The following KCTD9 variants were observed in gnomAD, a reference collection of about 807,000 sequenced individuals.
The protein encoded by KCTD9 is potassium channel tetramerization domain containing 9.
A neutral mutation model predicts 53.3 loss-of-function variants in KCTD9; 17 were observed. That is an observed-to-expected ratio of 0.32 (90% CI 0.22 to 0.48). The LOEUF (loss-of-function observed/expected upper bound fraction) is 0.48. Among genes scored for constraint, KCTD9 ranks in the 20% least tolerant of loss-of-function variants. The pLI is 0.99. For missense variants in KCTD9, 179 were observed against 465.5 expected, an observed-to-expected ratio of 0.38 and a Z score of 5.66; for synonymous variants, 128 against 162.7, an observed-to-expected ratio of 0.79 and a Z score of 1.62.
Position 25,430,676 on chromosome 8 carries a change from C to T in KCTD9, c.1054-703G>A, listed in dbSNP as rs111432781. ...AATAAAGTGCACAATAAATGTAACG[C>T]GCTTGAATCATCCCAAAACCAGCCC... On this transcript the variant is annotated intron_variant, in intron 11 of 11. Transcript: ENST00000221200. 7.2e-4 allele frequency among the ~76,000 whole-genome samples: 109 copies of T among 152,106 alleles called. 1 individual carries two copies. In the South Asian group the frequency reaches 8.7e-3, roughly 12 times the overall value.
At chr8:25,456,672 C>T (rs1189735734) in intron 1 of KCTD9, among the ~76,000 whole-genome samples, 1 of 151,784 alleles carries the variant, frequency 6.6e-6, no homozygotes, top group Non-Finnish European at 1.5e-5. Context: ...ATCCAAGAAT[C>T]TAATCTAGTC....
At chr8:25,453,407 G>A (rs1336564890) in intron 1 of KCTD9, among the ~76,000 whole-genome samples, 1 of 151,526 alleles carries the variant, frequency 6.6e-6, no homozygotes, top group Non-Finnish European at 1.5e-5. Flanking sequence ...TGTAATTCCA[G>A]CACTTTGGGA....
In KCTD9 at chr8:25,432,697, A is replaced by G. The variant is rs892293458; in HGVS notation, c.920-60T>C. ...AAAAATATAGTTATCTACCTTCAAC[A>G]GAACTGCAAGATGACTTAATGGAGG... On this transcript the variant is annotated intron_variant, in intron 10 of 11. Coordinates refer to ENST00000221200, the MANE Select transcript of KCTD9 (RefSeq NM_017634.4). 20 of 1,461,772 alleles carry G rather than the reference A, an allele frequency of 1.4e-5. No homozygotes were observed. In the Middle Eastern group the frequency reaches 5.3e-4, roughly 39 times the overall value. 90.6% of individuals were successfully genotyped at this position (1,461,772 alleles called of 1,614,324 possible).
chr8:25,446,291 CAT>C, intron 1 of KCTD9, 41 bp from the exon 2 acceptor site: 1 of 1,603,670 alleles, frequency 6.2e-7, no homozygotes, highest in Non-Finnish European at 8.5e-7. Flanking sequence ...TTCTTTAATA[CAT>C]GTTATCCCCC....
chr8:25,451,736 C>T (rs986688767), intron 1 of KCTD9, among the ~76,000 whole-genome samples: 2 of 152,170 alleles, frequency 1.3e-5, no homozygotes, highest in Non-Finnish European at 2.9e-5. Context: ...TACCTTTAAA[C>T]ACCATTTTCA....
intron 1 of KCTD9, among the ~76,000 whole-genome samples, chr8:25,449,158 T>C (rs1212603697): frequency 1.3e-5 from 2 of 152,152 alleles, no homozygotes; most frequent in African/African-American, 2.4e-5. Flanking sequence ...GAGCAAGAGA[T>C]TGACCAAAGC....
At position 25,441,828 on chromosome 8, in the gene KCTD9, C is replaced by T. The variant is rs191467295; in HGVS notation, c.215-1155G>A. The stretch of plus-strand genomic sequence containing the variant: ...GCAACAGGGCAAAACCCCAAAACCC[C>T]ATCTCTACAAAAAATACAAAAAAAT... On this transcript the variant is annotated intron_variant, in intron 3 of 11. Transcript: ENST00000221200. Among the ~76,000 whole-genome samples the T allele has an allele frequency of 1.7e-3, 254 of 152,086 alleles. 1 individual carries two copies. Among genetic ancestry groups the T allele is most frequent in the South Asian group, 3.7e-3 (18 of 4,812 alleles).
rs1586419158 is a variant in KCTD9 at position 25,429,654 on chromosome 8, G to A, written c.*203C>T. 2.1e-6 allele frequency: 1 copy of A among 480,346 alleles called. No individual in the cohort carries two copies. The highest frequency in any genetic ancestry group is 4.0e-5 in the East Asian group (1 of 25,078). 29.8% of individuals were successfully genotyped at this position (480,346 alleles called of 1,614,324 possible). On this transcript the variant is annotated 3_prime_UTR_variant, in exon 12 of 12. Coordinates refer to ENST00000221200, the MANE Select transcript of KCTD9 (RefSeq NM_017634.4). ...GTTTCCCTACATCTATTAAATGAGT[G>A]CTTTTCTGTTAAAAATCAGAATATG... is the stretch of plus-strand genomic sequence containing the variant.
chr8:25,453,504 A>C (rs1446274322), intron 1 of KCTD9, among the ~76,000 whole-genome samples: 1 of 150,642 alleles, frequency 6.6e-6, no homozygotes, highest in Non-Finnish European at 1.5e-5. Flanking sequence ...AAACACAAAA[A>C]TAGCCAGGTA....
rs1416594179 is a variant in KCTD9 at position 25,428,978 on chromosome 8, T to A, written c.*879A>T. On this transcript the variant is annotated 3_prime_UTR_variant, in exon 12 of 12. Transcript: ENST00000221200. The stretch of plus-strand genomic sequence containing the variant: ...AATGAATATTAATGATGCACCTTGG[T>A]TTTTTTGGTTTTGAAGTATCTTCCT... 6.6e-6 allele frequency: 1 copy of A among 152,182 alleles called. No homozygotes were observed. The highest frequency in any genetic ancestry group is 1.5e-5 in the Non-Finnish European group (1 of 68,022). The allele number at this position is 152,182 out of a possible 1,614,324, so 9.4% of individuals were successfully genotyped here.
At chr8:25,445,765 A>C (rs1276551450) in intron 2 of KCTD9, among the ~76,000 whole-genome samples, 1 of 152,018 alleles carries the variant, frequency 6.6e-6, no homozygotes, top group African/African-American at 2.4e-5. Context: ...TATAAAATGC[A>C]AAGCATTCTT....
chr8:25,431,356 T>C (rs1024688659), intron 11 of KCTD9, among the ~76,000 whole-genome samples: 1 of 152,176 alleles, frequency 6.6e-6, no homozygotes, highest in Non-Finnish European at 1.5e-5. Context: ...GTTTGACAGA[T>C]GTACAGAACA....
Position 25,440,621 on chromosome 8 carries a change from G to T in KCTD9, c.267C>A (p.Asp89Glu). ...PPEGLLGFHT[D>E]WLTLNVGGRY... Reference sequence around the variant, plus strand: ...GCCCTCCAACATTTAATGTCAGCCAGTCTGTGTGGAATCCTAACAATCCCT... The same window carrying T: ...GCCCTCCAACATTTAATGTCAGCCATTCTGTGTGGAATCCTAACAATCCCT... The change falls in exon 4 of 12, where the codon GAC (aspartate) becomes GAA (glutamate). Residue 89 changes from aspartate to glutamate, a missense_variant. Asp to Glu is a conservative substitution (Grantham distance 45, BLOSUM62 2). Coordinates refer to ENST00000221200, the MANE Select transcript of KCTD9 (RefSeq NM_017634.4). 1 of 1,612,940 alleles carries T rather than the reference G, an allele frequency of 6.2e-7. No homozygotes were observed. Among genetic ancestry groups the T allele is most frequent in the African/African-American group, 1.3e-5 (1 of 75,012 alleles).
intron 3 of KCTD9, 120 bp downstream of exon 3, chr8:25,444,172 T>A (rs959677214): frequency 2.4e-6 from 2 of 846,554 alleles, no homozygotes; most frequent in Admixed American, 2.8e-5. Context: ...GTGTGAAGAT[T>A]TGAATACAGC....
At chr8:25,440,462 T>C (rs1802101527) in intron 4 of KCTD9, 115 bp downstream of exon 4, 2 of 738,772 alleles carry the variant, frequency 2.7e-6, no homozygotes, top group Non-Finnish European at 4.8e-6. Flanking sequence ...TCAGATCACA[T>C]AGTATATTTA....
chr8:25,435,519 TA>T lies in KCTD9; in HGVS notation c.664-8del, dbSNP rs755957874. 1 of 1,587,208 alleles carries T rather than the reference TA, an allele frequency of 6.3e-7. No homozygotes were observed. Among genetic ancestry groups the T allele is most frequent in the South Asian group, 1.2e-5 (1 of 86,316 alleles). On this transcript the variant is annotated splice_region_variant and splice_polypyrimidine_tract_variant and intron_variant, in intron 8 of 11. Coordinates refer to ENST00000221200, the MANE Select transcript of KCTD9 (RefSeq NM_017634.4). ...CACCACTGAAGTTCAAACCCTGAAA[TA>T]AAAAAGCACAAATTGTCACCATAAC...
At chr8:25,444,023 A>T (rs1802169111) in intron 3 of KCTD9, among the ~76,000 whole-genome samples, 2 of 152,204 alleles carry the variant, frequency 1.3e-5, no homozygotes, top group South Asian at 4.1e-4. Flanking sequence ...TTCTAAGATC[A>T]AAACTACCTT....
At chr8:25,432,482 C>A in intron 11 of KCTD9, 22 bp downstream of exon 11, 1 of 1,603,952 alleles carries the variant, frequency 6.2e-7, no homozygotes, top group Non-Finnish European at 8.5e-7. Flanking sequence ...AATAAAAATT[C>A]TTAAAGTGTT....
chr8:25,434,276 T>C (rs1801980391), intron 9 of KCTD9, among the ~76,000 whole-genome samples: 1 of 152,124 alleles, frequency 6.6e-6, no homozygotes, highest in Admixed American at 6.5e-5. Context: ...ATTTTTGTAT[T>C]TTTAGTAGAG....
Sources: gnomAD v4.1 joint callset for allele counts (sites outside exome capture counted in the v4.1 genomes callset) on GRCh38, gnomAD v4.1.1 for gene constraint, MANE v1.5 for transcripts, NCBI Gene and HGNC (gene_info 2026-07-23, HGNC 2026-07-21) for gene names.